ITGA8: variants seen among roughly 807,000 people sequenced by gnomAD.
ITGA8 encodes the protein integrin subunit alpha 8, also known as integrin alpha-8.
In ITGA8, 91 loss-of-function variants were observed where a neutral mutation model predicts 142.3. The ratio of observed to expected loss-of-function variants is 0.64; its 90% CI spans 0.54 to 0.76. The LOEUF is 0.76. Ranked by LOEUF, ITGA8 falls within the 30% of genes least tolerant of loss-of-function variation. The probability of loss-of-function intolerance (pLI) is 0.00; values close to 1 mark genes in which losing one functional copy is unlikely to be tolerated. For synonymous variants in ITGA8, 505 were observed against 485.2 expected (o/e 1.04, Z -0.54); for missense variants, 1,406 against 1,327.7 (o/e 1.06, Z -0.92).
At chr10:15,636,513 T>G (rs1294884903) in intron 13 of ITGA8, among the ~76,000 whole-genome samples, 2 of 152,224 alleles carry the variant, frequency 1.3e-5, no homozygotes, top group African/African-American at 4.8e-5. Flanking sequence ...TTCCACACAT[T>G]ATTTCTGCAA....
At chr10:15,619,788 C>T (rs980969263) in intron 13 of ITGA8, among the ~76,000 whole-genome samples, 1 of 152,202 alleles carries the variant, frequency 6.6e-6, no homozygotes, top group South Asian at 2.1e-4. Context: ...TTACAAACTC[C>T]AATATTTAGA....
At chr10:15,540,362 C>T (rs1290118081) in intron 27 of ITGA8, among the ~76,000 whole-genome samples, 1 of 152,160 alleles carries the variant, frequency 6.6e-6, no homozygotes, top group Non-Finnish European at 1.5e-5. Context: ...ACCCTTTTAG[C>T]TCCCACATAG....
At chr10:15,656,767 T>G (rs1268983123) in intron 10 of ITGA8, among the ~76,000 whole-genome samples, 1 of 152,204 alleles carries the variant, frequency 6.6e-6, no homozygotes, top group Non-Finnish European at 1.5e-5. Context: ...TAGTTTCAGG[T>G]TGCCAGTTTG....
At chr10:15,669,608 G>A (rs2131682798) in intron 8 of ITGA8, among the ~76,000 whole-genome samples, 1 of 152,072 alleles carries the variant, frequency 6.6e-6, no homozygotes, top group Admixed American at 6.6e-5. Context: ...ATTTTTAGCA[G>A]TTGTTCTGCT....
chr10:15,634,208 C>T (rs767091641), intron 13 of ITGA8, among the ~76,000 whole-genome samples: 24 of 152,150 alleles, frequency 1.6e-4, no homozygotes, highest in Non-Finnish European at 2.9e-4. Flanking sequence ...CTCTTCTCAT[C>T]TGCTGCTTAT....
At chr10:15,541,459 C>T (rs1017138780) in intron 27 of ITGA8, among the ~76,000 whole-genome samples, 2 of 152,190 alleles carry the variant, frequency 1.3e-5, no homozygotes, top group South Asian at 2.1e-4. Flanking sequence ...CAAGTTTTTA[C>T]ATTTCTAGAA....
intron 13 of ITGA8, among the ~76,000 whole-genome samples, chr10:15,622,975 G>C (rs1272339253): frequency 6.6e-6 from 1 of 152,184 alleles, no homozygotes; most frequent in Non-Finnish European, 1.5e-5. Flanking sequence ...ATAGAGAGCA[G>C]AGGTATGCTT....
chr10:15,642,485 A>G (rs993336119), intron 13 of ITGA8, among the ~76,000 whole-genome samples: 2 of 152,196 alleles, frequency 1.3e-5, no homozygotes, highest in Admixed American at 1.3e-4. Context: ...CAGGAGTTGA[A>G]TTTCATTAAT....
intron 25 of ITGA8, among the ~76,000 whole-genome samples, chr10:15,560,868 A>T (rs1296742360): frequency 6.6e-6 from 1 of 152,130 alleles, no homozygotes; most frequent in Non-Finnish European, 1.5e-5. Context: ...CTTTTTAGGT[A>T]TGATAATAAT....
rs534013513 is a variant in ITGA8, at chr10:15,715,709, G to T, written c.343+3057C>A. 2.0e-5 allele frequency among the ~76,000 whole-genome samples: 3 copies of T among 152,352 alleles called. No homozygotes were observed. In the South Asian group the frequency reaches 6.2e-4, roughly 32 times the overall value. The stretch of plus-strand genomic sequence containing the variant: ...TCAGGACCCAGAGCCAGTGATGTCT[G>T]TTTCCACCTTTCATCTTTCGTTTTA... On this transcript the variant is annotated intron_variant, in intron 2 of 29. Coordinates refer to ENST00000378076, the MANE Select transcript of ITGA8 (RefSeq NM_003638.3).
intron 13 of ITGA8, among the ~76,000 whole-genome samples, chr10:15,617,620 C>T (rs899594850): frequency 3.3e-5 from 5 of 151,470 alleles, no homozygotes; most frequent in African/African-American, 1.2e-4. Flanking sequence ...AGGATGGTGT[C>T]GATCTCCTGA....
chr10:15,586,916 G>C (rs368426473), intron 22 of ITGA8, among the ~76,000 whole-genome samples: 1 of 151,774 alleles, frequency 6.6e-6, no homozygotes, highest in East Asian at 1.9e-4. Context: ...GATATCTAAA[G>C]AAACTAACAC....
intron 11 of ITGA8, among the ~76,000 whole-genome samples, chr10:15,651,489 G>A (rs1388541433): frequency 6.6e-6 from 1 of 151,456 alleles, no homozygotes; most frequent in Non-Finnish European, 1.5e-5. Context: ...AAAATATCAG[G>A]GAAAATTTCC....
At position 15,530,519 on chromosome 10, in the gene ITGA8, C is replaced by G. The variant is rs1241973842; in HGVS notation, c.2982+531G>C. 8.2e-5 allele frequency among the ~76,000 whole-genome samples: 9 copies of G among 110,210 alleles called. No individual in the cohort carries two copies. The East Asian group carries it at 1.1e-3, about 14-fold the overall frequency. The allele number at this position is 110,210 out of a possible 152,430, so 72.3% of individuals were successfully genotyped here. A position where few individuals can be genotyped will look rare whatever the true frequency, so the allele number is the denominator to read the frequency against. ...TGAGATCGTGCCCCTGCACTCCAAC[C>G]TGGGCGACAGAGCGAGACTCTCAAA... On this transcript the variant is annotated intron_variant, in intron 28 of 29. Transcript: ENST00000378076.
chr10:15,677,253 A>G (rs1295590049), intron 6 of ITGA8, among the ~76,000 whole-genome samples: 5 of 152,196 alleles, frequency 3.3e-5, no homozygotes, highest in African/African-American at 7.2e-5. Flanking sequence ...GTTAACAACA[A>G]TTTATCTCAT....
intron 20 of ITGA8, among the ~76,000 whole-genome samples, chr10:15,598,203 T>C (rs1833040702): frequency 1.3e-5 from 2 of 152,166 alleles, no homozygotes; most frequent in African/African-American, 4.8e-5. Flanking sequence ...TTCCAAAAGG[T>C]AAGCTTGCAA....
At position 15,707,961 on chromosome 10, in the gene ITGA8, GACACACACACACAC is replaced by G. The variant is rs138462340; in HGVS notation, c.343+10791_343+10804del. 6.9e-5 allele frequency among the ~76,000 whole-genome samples: 10 copies of G among 144,872 alleles called. No individual in the cohort carries two copies. The South Asian group carries it at 1.6e-3, about 24-fold the overall frequency. ...AAGCTAAAATAAATGTGCACACACC[GACACACACACACAC>G]ACACACACACACACACACACACCAT... On this transcript the variant is annotated intron_variant, in intron 2 of 29. Coordinates refer to ENST00000378076, the MANE Select transcript of ITGA8 (RefSeq NM_003638.3).
chr10:15,646,934 G>C lies in ITGA8; in HGVS notation c.1119C>G (p.Asp373Glu). 1.2e-6 allele frequency: 2 copies of C among 1,613,978 alleles called. 1 individual carries two copies. Among genetic ancestry groups the C allele is most frequent in the South Asian group, 2.2e-5 (2 of 91,044 alleles). The change falls in exon 12 of 30, where the codon GAC becomes GAG. Residue 373 changes from aspartate to glutamate, a missense_variant. Asp to Glu is a conservative substitution (Grantham distance 45, BLOSUM62 2). Coordinates refer to ENST00000378076, the MANE Select transcript of ITGA8 (RefSeq NM_003638.3). ...TCTCGGTGCCAGTGAGGATCTGGGG[G>C]TCTCTGAAGAGGAGAGAGCTCACTT... is the stretch of plus-strand genomic sequence containing the variant. ...YLQVSSLLFR[D>E]PQILTGTETF... is the part of the protein sequence containing the mutation.
chr10:15,537,612 C>T (rs1299116966), intron 27 of ITGA8, among the ~76,000 whole-genome samples: 1 of 152,118 alleles, frequency 6.6e-6, no homozygotes, highest in Admixed American at 6.6e-5. Flanking sequence ...AATAGAATGT[C>T]GTGTATGGAA....
Sources: gnomAD v4.1 joint callset for allele counts (sites outside exome capture counted in the v4.1 genomes callset) on GRCh38, gnomAD v4.1.1 for gene constraint, MANE v1.5 for transcripts, NCBI Gene and HGNC (gene_info 2026-07-23, HGNC 2026-07-21) for gene names.